OLAH: variants seen among roughly 807,000 people sequenced by gnomAD.
OLAH encodes oleoyl-ACP hydrolase, also known as S-acyl fatty acid synthase thioesterase, medium chain.
In OLAH, 33 loss-of-function variants were observed where a neutral mutation model predicts 27.8. That is an observed-to-expected ratio of 1.19 (90% CI 0.90 to 1.59). The LOEUF is 1.59. Ranked by LOEUF, OLAH falls within the 40% of genes most tolerant of loss-of-function variation. The pLI, the probability that OLAH is intolerant of heterozygous loss-of-function variation, is 0.00. For missense variants in OLAH, 359 were observed against 310.8 expected (o/e 1.16, Z -1.17); for synonymous variants, 120 against 102.9 (o/e 1.17, Z -1.01).
At chr10:15,042,278 A>G (rs1843933504), upstream of OLAH, among the ~76,000 whole-genome samples, 1 of 151,714 alleles carries the variant, frequency 6.6e-6, no homozygotes, top group Non-Finnish European at 1.5e-5. Context: ...CAGCCTCCCA[A>G]GTAGCTGGGA....
intron 1 of OLAH, among the ~76,000 whole-genome samples, chr10:15,034,589 T>C (rs1188288138): frequency 6.6e-6 from 1 of 152,134 alleles, no homozygotes; most frequent in African/African-American, 2.4e-5. Flanking sequence ...GAGAAGACTG[T>C]CCCTTTGCAG....
intron 3 of OLAH, among the ~76,000 whole-genome samples, chr10:15,050,729 G>A (rs959290568): frequency 1.3e-5 from 2 of 151,536 alleles, no homozygotes; most frequent in Non-Finnish European, 2.9e-5. Context: ...TTTTAGTAGA[G>A]ACAGGGTTTC....
chr10:15,058,367 A>G (rs145496810), intron 3 of OLAH, among the ~76,000 whole-genome samples: 194 of 152,300 alleles, frequency 1.3e-3, no homozygotes, highest in African/African-American at 1.7e-3. Flanking sequence ...TGCTGGAATT[A>G]TAGGCATGAG....
chr10:15,040,759 C>T (rs1281961165), upstream of OLAH, among the ~76,000 whole-genome samples: 1 of 152,180 alleles, frequency 6.6e-6, no homozygotes, highest in Non-Finnish European at 1.5e-5. Flanking sequence ...CAACTGTGAA[C>T]AAAACCACCA....
chr10:15,048,429 GC>G (rs1274377233), intron 2 of OLAH, among the ~76,000 whole-genome samples: 1 of 152,310 alleles, frequency 6.6e-6, no homozygotes, highest in East Asian at 1.9e-4. Context: ...TGTTGGCCAG[GC>G]TGGTCTCGAA....
intron 7 of OLAH, among the ~76,000 whole-genome samples, chr10:15,072,629 T>A (rs545318741): frequency 1.3e-5 from 2 of 152,116 alleles, no homozygotes; most frequent in African/African-American, 2.4e-5. Context: ...AAGCTTGGAA[T>A]GTTTCTGTGT....
chr10:15,045,985 C>T (rs1339744377), intron 1 of OLAH, among the ~76,000 whole-genome samples: 1 of 151,984 alleles, frequency 6.6e-6, no homozygotes, highest in Non-Finnish European at 1.5e-5. Context: ...GAGCCAAGGT[C>T]GTGCCACCAC....
chr10:15,055,664 A>G (rs557432300), intron 3 of OLAH, among the ~76,000 whole-genome samples: 1 of 152,308 alleles, frequency 6.6e-6, no homozygotes, highest in East Asian at 1.9e-4. Flanking sequence ...AAAGGCCACT[A>G]CTTTAAACAA....
At chr10:15,042,473 G>C (rs1335771528), upstream of OLAH, among the ~76,000 whole-genome samples, 1 of 152,072 alleles carries the variant, frequency 6.6e-6, no homozygotes, top group East Asian at 1.9e-4. Flanking sequence ...TTTAATACAG[G>C]CATGCAATGT....
chr10:15,034,104 T>G (rs1367303519), intron 1 of OLAH, among the ~76,000 whole-genome samples: 8,869 of 93,172 alleles, frequency 0.095, 264 homozygotes, highest in Middle Eastern at 0.19. Flanking sequence ...ACTCCACCAT[T>G]TTTTTTTTTT....
chr10:15,053,716 CT>C lies in OLAH; in HGVS notation c.163+3962del, dbSNP rs200251875. ...CTTCCTTTTTTGTTTCTGTTCTAAG[CT>C]TTTTTTTTTTCCCTTGACACAGGGT... On this transcript the variant is annotated intron_variant, in intron 3 of 7. Transcript: ENST00000378228. Among the ~76,000 whole-genome samples, 365 of 146,332 alleles carry C rather than the reference CT, an allele frequency of 2.5e-3. 1 individual carries two copies. Among genetic ancestry groups the C allele is most frequent in the South Asian group, 0.011 (51 of 4,578 alleles).
At chr10:15,035,455 G>A (rs2131324520) in intron 1 of OLAH, among the ~76,000 whole-genome samples, 1 of 152,266 alleles carries the variant, frequency 6.6e-6, no homozygotes, top group Non-Finnish European at 1.5e-5. Context: ...AGTAGGAAAA[G>A]GCACGGGTCA....
chr10:15,040,769 A>G (rs1199122912), upstream of OLAH, among the ~76,000 whole-genome samples: 1 of 152,198 alleles, frequency 6.6e-6, no homozygotes, highest in Non-Finnish European at 1.5e-5. Context: ...CAAAACCACC[A>G]AAGCCTCCAT....
chr10:15,072,801 G>A (rs1036924346), intron 7 of OLAH, among the ~76,000 whole-genome samples: 1 of 151,974 alleles, frequency 6.6e-6, no homozygotes, highest in Non-Finnish European at 1.5e-5. Context: ...TGGTCAGGGA[G>A]GAGTTTGGAA....
intron 3 of OLAH, among the ~76,000 whole-genome samples, chr10:15,060,469 C>T (rs1253839657): frequency 6.6e-6 from 1 of 152,036 alleles, no homozygotes; most frequent in Admixed American, 6.6e-5. Context: ...TATGCCTGGC[C>T]AACATGCTTA....
At chr10:15,041,779 T>G (rs1843924373), upstream of OLAH, among the ~76,000 whole-genome samples, 1 of 151,984 alleles carries the variant, frequency 6.6e-6, no homozygotes, top group Non-Finnish European at 1.5e-5. Flanking sequence ...TTTCACCATG[T>G]TGGCCAGGCT....
chr10:15,039,384 C>G (rs1409476066), upstream of OLAH, among the ~76,000 whole-genome samples: 1 of 152,136 alleles, frequency 6.6e-6, no homozygotes, highest in African/African-American at 2.4e-5. Flanking sequence ...TCGAGACCAG[C>G]CTGGCCAACA....
chr10:15,067,496 C>CA (rs1844492429), intron 6 of OLAH, among the ~76,000 whole-genome samples: 1 of 152,134 alleles, frequency 6.6e-6, no homozygotes, highest in African/African-American at 2.4e-5. Context: ...CCAAAAAACT[C>CA]ACAACCAATG....
At chr10:15,037,544 G>A (rs904766335) in intron 1 of OLAH, among the ~76,000 whole-genome samples, 1 of 151,162 alleles carries the variant, frequency 6.6e-6, no homozygotes, top group African/African-American at 2.4e-5. Flanking sequence ...TTGCACCACT[G>A]CACGCCAGGC....
Sources: gnomAD v4.1 joint callset for allele counts (sites outside exome capture counted in the v4.1 genomes callset) on GRCh38, gnomAD v4.1.1 for gene constraint, MANE v1.5 for transcripts, NCBI Gene and HGNC (gene_info 2026-07-23, HGNC 2026-07-21) for gene names.